The following IL26 variants were observed in gnomAD, a reference collection of about 807,000 sequenced individuals.
The protein encoded by IL26 is interleukin 26, also known as interleukin-26.
In IL26, 23 loss-of-function variants were observed where a neutral mutation model predicts 21.7. The ratio of observed to expected loss-of-function variants is 1.06; its 90% CI spans 0.76 to 1.50. IL26 has a LOEUF of 1.50. Ranked by LOEUF, IL26 falls within the 40% of genes most tolerant of loss-of-function variation. The probability of loss-of-function intolerance (pLI) is 0.00; values close to 1 mark genes in which losing one functional copy is unlikely to be tolerated. For missense variants in IL26, 204 were observed against 196.0 expected, an observed-to-expected ratio of 1.04 and a Z score of -0.24; for synonymous variants, 63 against 67.8, an observed-to-expected ratio of 0.93 and a Z score of 0.34.
intron 3 of IL26, among the ~76,000 whole-genome samples, chr12:68,210,982 C>T (rs1017438470): frequency 6.6e-6 from 1 of 152,162 alleles, no homozygotes; most frequent in Non-Finnish European, 1.5e-5. Flanking sequence ...TTTCAGGGTA[C>T]ATGTGACATT....
intron 2 of IL26, 77 bp from the exon 3 acceptor site, chr12:68,225,360 A>G: frequency 6.5e-7 from 1 of 1,527,210 alleles, no homozygotes. Context: ...TTACTTAATT[A>G]CTCTCTGAAA....
chr12:68,222,790 A>C (rs1275209633), intron 3 of IL26, among the ~76,000 whole-genome samples: 1 of 152,184 alleles, frequency 6.6e-6, no homozygotes, highest in Non-Finnish European at 1.5e-5. Context: ...TTCCCACAAC[A>C]ACCTCAATAG....
chr12:68,212,385 G>A (rs1271182714), intron 3 of IL26, among the ~76,000 whole-genome samples: 1 of 151,842 alleles, frequency 6.6e-6, no homozygotes, highest in Non-Finnish European at 1.5e-5. Flanking sequence ...TGGTTCTGTG[G>A]TTCCATGTAA....
intron 3 of IL26, among the ~76,000 whole-genome samples, chr12:68,214,116 G>A (rs910802819): frequency 2.6e-5 from 4 of 151,916 alleles, no homozygotes; most frequent in African/African-American, 7.2e-5. Context: ...CTGACTCATC[G>A]ATTGCTCAGG....
At chr12:68,219,911 A>C (rs1869000032) in intron 3 of IL26, among the ~76,000 whole-genome samples, 1 of 152,096 alleles carries the variant, frequency 6.6e-6, no homozygotes, top group Admixed American at 6.5e-5. Context: ...AGATATTAAA[A>C]GCATATTAAG....
At chr12:68,219,188 T>G (rs1480563664) in intron 3 of IL26, among the ~76,000 whole-genome samples, 1 of 152,000 alleles carries the variant, frequency 6.6e-6, no homozygotes, top group Non-Finnish European at 1.5e-5. Context: ...TAAATCTAAT[T>G]GAAATGTATA....
intron 3 of IL26, among the ~76,000 whole-genome samples, chr12:68,207,705 G>C (rs375989871): frequency 7.9e-5 from 12 of 152,076 alleles, no homozygotes; most frequent in African/African-American, 2.2e-4. Context: ...GCAGCAGACA[G>C]GTTCCCAGTT....
At position 68,216,882 on chromosome 12, in the gene IL26, C is replaced by G. The variant is rs374272865; in HGVS notation, c.363+8267G>C. 3.9e-5 allele frequency among the ~76,000 whole-genome samples: 6 copies of G among 152,276 alleles called. No individual in the cohort carries two copies. In the East Asian group the frequency reaches 9.6e-4, roughly 24 times the overall value. On this transcript the variant is annotated intron_variant, in intron 3 of 4. Coordinates refer to ENST00000229134, the MANE Select transcript of IL26 (RefSeq NM_018402.2). Reference sequence around the variant, plus strand: ...AAAGTAGACGATGAAATCTTAAAAACTAACAGAAATTATTTTCATTTCTAT... The same window carrying G: ...AAAGTAGACGATGAAATCTTAAAAAGTAACAGAAATTATTTTCATTTCTAT...
intron 3 of IL26, among the ~76,000 whole-genome samples, chr12:68,211,186 G>C (rs1037714045): frequency 6.6e-6 from 1 of 152,176 alleles, no homozygotes; most frequent in Non-Finnish European, 1.5e-5. Flanking sequence ...ACAGGAAATA[G>C]TTGTCTTTCC....
At chr12:68,216,259 C>T (rs989348662) in intron 3 of IL26, among the ~76,000 whole-genome samples, 2 of 151,966 alleles carry the variant, frequency 1.3e-5, no homozygotes, top group African/African-American at 4.8e-5. Flanking sequence ...CCACTGCACT[C>T]CAGCCTGACA....
chr12:68,210,038 C>T (rs759952070), intron 3 of IL26, among the ~76,000 whole-genome samples: 1 of 151,696 alleles, frequency 6.6e-6, no homozygotes, highest in Non-Finnish European at 1.5e-5. Context: ...TTTAGTTGAC[C>T]TTAATGGCTA....
intron 3 of IL26, among the ~76,000 whole-genome samples, chr12:68,222,401 G>A (rs1423139738): frequency 6.6e-6 from 1 of 152,196 alleles, no homozygotes. Flanking sequence ...CAAGTAGGCT[G>A]TGTGCCAAAA....
intron 3 of IL26, among the ~76,000 whole-genome samples, chr12:68,220,751 C>A (rs1380405096): frequency 6.6e-6 from 1 of 152,228 alleles, no homozygotes; most frequent in African/African-American, 2.4e-5. Flanking sequence ...ATTCTCCTGT[C>A]TCAGTCTCCC....
intron 3 of IL26, among the ~76,000 whole-genome samples, chr12:68,216,285 G>A (rs767624423): frequency 5.9e-5 from 9 of 151,862 alleles, no homozygotes; most frequent in Admixed American, 1.3e-4. Flanking sequence ...GCAAGACTCC[G>A]TCTCATAAAA....
At chr12:68,207,215 G>C (rs1868567991) in intron 3 of IL26, among the ~76,000 whole-genome samples, 3 of 152,164 alleles carry the variant, frequency 2.0e-5, no homozygotes, top group Admixed American at 6.5e-5. Context: ...GGACTTGTCA[G>C]GCAACCTCAG....
At chr12:68,206,033 C>T (rs939235149) in intron 3 of IL26, among the ~76,000 whole-genome samples, 4 of 152,196 alleles carry the variant, frequency 2.6e-5, no homozygotes, top group South Asian at 2.1e-4. Context: ...TATCTTCAAC[C>T]TGCTCCTGCC....
chr12:68,217,088 A>G (rs180765193), intron 3 of IL26, among the ~76,000 whole-genome samples: 1 of 152,204 alleles, frequency 6.6e-6, no homozygotes, highest in Non-Finnish European at 1.5e-5. Flanking sequence ...TACATTACAC[A>G]TAACTTATTT....
At chr12:68,213,063 T>C (rs565895073) in intron 3 of IL26, among the ~76,000 whole-genome samples, 28 of 152,224 alleles carry the variant, frequency 1.8e-4, no homozygotes, top group Non-Finnish European at 3.4e-4. Flanking sequence ...GCCCCTTCTA[T>C]ATCTAGTCTG....
In IL26 at chr12:68,201,874, T is replaced by A. The variant is rs1462235655; in HGVS notation, c.487A>T (p.Ile163Phe). The change falls in exon 5 of 5, where the codon ATT becomes TTT. Residue 163 changes from isoleucine to phenylalanine, a missense_variant. Ile to Phe is a conservative substitution (Grantham distance 21, BLOSUM62 0). Coordinates refer to ENST00000229134, the MANE Select transcript of IL26 (RefSeq NM_018402.2). The part of the protein sequence containing the change: ...ISELDILLSW[I>F]KKLLESSQ ...TGACTGCTTTCCAATAATTTTTTAA[T>A]CCAGGAAAGAAGAATATCCAGTTCA... 6.3e-7 allele frequency: 1 copy of A among 1,597,382 alleles called. No homozygotes were observed. Among genetic ancestry groups the A allele is most frequent in the Non-Finnish European group, 8.5e-7 (1 of 1,175,508 alleles).
Sources: allele counts gnomAD v4.1 joint callset (sites outside exome capture counted in the v4.1 genomes callset), GRCh38; gene constraint gnomAD v4.1.1; transcripts MANE v1.5; gene names NCBI Gene and HGNC (gene_info 2026-07-23, HGNC 2026-07-21).